EYA2: variants seen among roughly 807,000 people sequenced by gnomAD.
The protein encoded by EYA2 is protein phosphatase EYA2.
A neutral mutation model predicts 69.2 loss-of-function variants in EYA2; 31 were observed. The observed-to-expected ratio is 0.45, with a 90% CI of 0.34 to 0.60. The LOEUF (loss-of-function observed/expected upper bound fraction) is 0.60, where lower values mean the gene tolerates loss of function less well. Ranked by LOEUF, EYA2 falls within the 20% of genes least tolerant of loss-of-function variation. The probability of loss-of-function intolerance (pLI) is 0.02; values close to 1 mark genes in which losing one functional copy is unlikely to be tolerated. For missense variants in EYA2, 622 were observed against 701.2 expected (o/e 0.89, Z 1.28); for synonymous variants, 257 against 279.4 (o/e 0.92, Z 0.80).
At chr20:47,107,525 CAAA>C (rs111607473) in intron 9 of EYA2, among the ~76,000 whole-genome samples, 32 of 125,230 alleles carry the variant, frequency 2.6e-4, no homozygotes, top group Admixed American at 4.3e-4. Context: ...GACTCTGTAT[CAAA>C]AAAAAAAAAA....
intron 1 of EYA2, among the ~76,000 whole-genome samples, chr20:46,926,255 GA>G (rs1985408215): frequency 6.6e-6 from 1 of 152,216 alleles, no homozygotes; most frequent in Admixed American, 6.5e-5. Context: ...GTGATATAGA[GA>G]GGGGGGTTGA....
At chr20:46,917,632 C>T (rs919625879) in intron 1 of EYA2, among the ~76,000 whole-genome samples, 4 of 152,138 alleles carry the variant, frequency 2.6e-5, no homozygotes, top group East Asian at 1.9e-4. Flanking sequence ...AAGCAAGTCA[C>T]GTGAATTTTT....
chr20:46,908,200 C>T (rs770520380), intron 1 of EYA2, among the ~76,000 whole-genome samples: 6 of 152,206 alleles, frequency 3.9e-5, no homozygotes, highest in Non-Finnish European at 8.8e-5. Context: ...TGACCAAAGT[C>T]TCCTTCCTTG....
chr20:47,180,557 G>A (rs2034518853), intron 13 of EYA2, among the ~76,000 whole-genome samples: 1 of 152,156 alleles, frequency 6.6e-6, no homozygotes, highest in Non-Finnish European at 1.5e-5. Flanking sequence ...AACTATTTAA[G>A]TGTATGGCCC....
At chr20:47,023,632 G>GTTTTTTTTTTTTTTTTTTT (rs60939329) in intron 5 of EYA2, among the ~76,000 whole-genome samples, 1 of 90,116 alleles carries the variant, frequency 1.1e-5, no homozygotes, top group Non-Finnish European at 2.2e-5. Context: ...GATTTTGGGT[G>GTTTTTTTTTTTTTTTTTTT]TTTTTTTTTT....
chr20:47,103,769 T>G (rs961713406), intron 9 of EYA2, among the ~76,000 whole-genome samples: 1 of 152,130 alleles, frequency 6.6e-6, no homozygotes, highest in African/African-American at 2.4e-5. Flanking sequence ...TGGATTATGA[T>G]TCAAGATGAG....
At chr20:47,022,007 G>A (rs887224443) in intron 5 of EYA2, among the ~76,000 whole-genome samples, 2 of 152,204 alleles carry the variant, frequency 1.3e-5, no homozygotes, top group Admixed American at 1.3e-4. Context: ...GTTGGGGCGG[G>A]TCATGGTCAT....
At chr20:47,055,326 C>A (rs2030554000) in intron 5 of EYA2, among the ~76,000 whole-genome samples, 1 of 152,200 alleles carries the variant, frequency 6.6e-6, no homozygotes, top group Non-Finnish European at 1.5e-5. Flanking sequence ...CCGAGGAGAT[C>A]CTCTGCAGGA....
intron 1 of EYA2, among the ~76,000 whole-genome samples, chr20:46,983,820 G>T (rs1014476624): frequency 6.6e-6 from 1 of 152,202 alleles, no homozygotes; most frequent in South Asian, 2.1e-4. Context: ...TTATAAACTG[G>T]CAAGTGTCTT....
rs11473217 is a variant in EYA2 at position 47,112,862 on chromosome 20, CTTTTTTT to C, written c.888+15715_888+15721del. Among the ~76,000 whole-genome samples, 18 of 55,834 alleles carry C rather than the reference CTTTTTTT, an allele frequency of 3.2e-4. No individual in the cohort carries two copies. The South Asian group carries it at 7.6e-3, about 23-fold the overall frequency. The allele number at this position is 55,834 out of a possible 152,430, so 36.6% of individuals were successfully genotyped here. ...CAAAAGTTAGATTTCATGTTCACTC[CTTTTTTT>C]TTTTTTTTTTTTTTTTTTTTGAGAC... On this transcript the variant is annotated intron_variant, in intron 9 of 15. Coordinates refer to ENST00000327619, the MANE Select transcript of EYA2 (RefSeq NM_005244.5).
rs545552692 is a variant in EYA2 at position 47,130,680 on chromosome 20, T to G, written c.889-12379T>G. Among the ~76,000 whole-genome samples the G allele has an allele frequency of 4.6e-5, 7 of 152,318 alleles. No homozygotes were observed. The South Asian group carries it at 1.2e-3, about 27-fold the overall frequency. ...ACCACCCACTTCTCATTTAAAAGGT[T>G]GCATTTCAGAGAACTAGGAAGATCT... On this transcript the variant is annotated intron_variant, in intron 9 of 15. Coordinates refer to ENST00000327619, the MANE Select transcript of EYA2 (RefSeq NM_005244.5).
chr20:47,150,461 G>A (rs775439396), intron 10 of EYA2, among the ~76,000 whole-genome samples: 5 of 150,488 alleles, frequency 3.3e-5, no homozygotes, highest in African/African-American at 7.2e-5. Context: ...CAGGCACAGC[G>A]GCTTCCTTTT....
intron 5 of EYA2, among the ~76,000 whole-genome samples, chr20:47,068,989 AT>A (rs1049112268): frequency 1.3e-5 from 2 of 152,196 alleles, no homozygotes; most frequent in Non-Finnish European, 2.9e-5. Flanking sequence ...CCTTCAGCAG[AT>A]GCAAACCATG....
At chr20:46,980,719 CT>C (rs1980779803) in intron 1 of EYA2, among the ~76,000 whole-genome samples, 1 of 152,308 alleles carries the variant, frequency 6.6e-6, no homozygotes, top group African/African-American at 2.4e-5. Flanking sequence ...TTCCTTCTAA[CT>C]GTATATTTGT....
At chr20:47,114,869 G>C (rs74762325) in intron 9 of EYA2, among the ~76,000 whole-genome samples, 2,929 of 152,238 alleles carry the variant, frequency 0.019, 90 homozygotes, top group African/African-American at 0.066. Context: ...TCCCCCTCTT[G>C]CTCCTGCTTT....
At chr20:47,073,205 G>A (rs964048880) in intron 6 of EYA2, among the ~76,000 whole-genome samples, 3 of 152,180 alleles carry the variant, frequency 2.0e-5, no homozygotes, top group African/African-American at 7.2e-5. Context: ...CATGAGTTCC[G>A]TGCAGGGTTG....
chr20:47,079,213 A>C (rs1448186815), intron 7 of EYA2, among the ~76,000 whole-genome samples: 1 of 152,208 alleles, frequency 6.6e-6, no homozygotes, highest in African/African-American at 2.4e-5. Flanking sequence ...AAATGTTTGG[A>C]GACTGTATCA....
chr20:46,970,149 T>C (rs1477455480), intron 1 of EYA2, among the ~76,000 whole-genome samples: 4 of 152,238 alleles, frequency 2.6e-5, no homozygotes, highest in Non-Finnish European at 5.9e-5. Flanking sequence ...GAAGAATCAG[T>C]TCTCAGATTG....
intron 1 of EYA2, among the ~76,000 whole-genome samples, chr20:46,982,790 T>TG (rs1980920744): frequency 6.6e-6 from 1 of 150,986 alleles, no homozygotes; most frequent in African/African-American, 2.4e-5. Context: ...TTTTTTTTTT[T>TG]GAGATAGAGT....
Sources: gnomAD v4.1 joint callset for allele counts (sites outside exome capture counted in the v4.1 genomes callset) on GRCh38, gnomAD v4.1.1 for gene constraint, MANE v1.5 for transcripts, NCBI Gene and HGNC (gene_info 2026-07-23, HGNC 2026-07-21) for gene names.